The following APOL4 variants were observed in gnomAD, a reference collection of about 807,000 sequenced individuals.
APOL4 encodes the protein apolipoprotein L4, also known as apolipoprotein L, 4.
Under a neutral mutation model 12.1 loss-of-function variants are expected in APOL4, and 14 were observed. The observed-to-expected ratio is 1.16, with a 90% CI of 0.76 to 1.81. APOL4 has a LOEUF of 1.81. Among genes scored for constraint, APOL4 ranks in the 40% most tolerant of loss-of-function variants. The pLI, the probability that APOL4 is intolerant of heterozygous loss-of-function variation, is 0.00. For missense variants in APOL4, 432 were observed against 423.1 expected (o/e 1.02, Z -0.18); for synonymous variants, 171 against 160.6 (o/e 1.06, Z -0.49).
At position 36,191,379 on chromosome 22, in the gene APOL4, C is replaced by T; in HGVS notation, c.743G>A (p.Arg248Lys). 1.9e-6 allele frequency: 3 copies of T among 1,614,056 alleles called. No homozygotes were observed. The highest frequency in any genetic ancestry group is 2.5e-6 in the Non-Finnish European group (3 of 1,179,908). Residue 248 changes from arginine (R) to lysine (K), a missense_variant, in exon 4 of 4, where the codon AGG becomes AAG. Coordinates refer to ENST00000683024, the MANE Select transcript of APOL4 (RefSeq NM_001386885.1). ...KMIANDVHTL[R>K]RSKATVGRPL... ...GCGTCCAACAGTGGCTTTAGATCTCCTGAGTGTATGGACATCATTCGCAAT... is the reference window on the plus strand; with the variant it reads ...GCGTCCAACAGTGGCTTTAGATCTCTTGAGTGTATGGACATCATTCGCAAT...
Position 36,195,250 on chromosome 22 carries a change from C to T in APOL4, c.209+61G>A, listed in dbSNP as rs1220749101. On this transcript the variant is annotated intron_variant, in intron 3 of 3. Transcript: ENST00000683024. ...AGGTGTGCCTGCCAGAGAAAACTAG[C>T]CCGGGGAGATCTGGGTGGCATCACC... The T allele has an allele frequency of 2.5e-6, 4 of 1,572,222 alleles. No homozygotes were observed. In the African/African-American group the frequency reaches 5.4e-5, roughly 21 times the overall value.
chr22:36,194,322 G>C (rs1202100384), intron 3 of APOL4, among the ~76,000 whole-genome samples: 1 of 152,100 alleles, frequency 6.6e-6, no homozygotes, highest in Non-Finnish European at 1.5e-5. Context: ...TCAAATCAGG[G>C]AGGGAAGAAA....
chr22:36,189,146 T>C lies in APOL4; in HGVS notation c.*1929A>G, dbSNP rs1255876016. The C allele has an allele frequency of 6.6e-6, 1 of 152,150 alleles. No homozygotes were observed. The highest frequency in any genetic ancestry group is 1.5e-5 in the Non-Finnish European group (1 of 68,042). The allele number at this position is 152,150 out of a possible 1,614,324, so 9.4% of individuals were successfully genotyped here. ...GTCCAGCTTGGCGAGTAGCTAAGTTTATTAGGACTTACACACAGGGCACTC... is the reference window on the plus strand; with the variant it reads ...GTCCAGCTTGGCGAGTAGCTAAGTTCATTAGGACTTACACACAGGGCACTC... On this transcript the variant is annotated 3_prime_UTR_variant, in exon 4 of 4. Coordinates refer to ENST00000683024, the MANE Select transcript of APOL4 (RefSeq NM_001386885.1).
Position 36,191,616 on chromosome 22 carries a change from G to A in APOL4, c.506C>T (p.Thr169Ile). ...TATTCCCAGCCCTACCCCAGCTGCA[G>A]TAATGCTCAGGCTCAGCCCTGCTGT... ...PFTAGLSLSI[T>I]AAGVGLGIAS... The change falls in exon 4 of 4, where the codon ACT becomes ATT. Residue 169 changes from threonine to isoleucine, a missense_variant. By Grantham distance (89) the Thr-to-Ile change is moderately conservative (BLOSUM62 -1). Coordinates refer to ENST00000683024, the MANE Select transcript of APOL4 (RefSeq NM_001386885.1). The A allele has an allele frequency of 6.2e-7, 1 of 1,613,742 alleles. No individual in the cohort carries two copies. Among genetic ancestry groups the A allele is most frequent in the Non-Finnish European group, 8.5e-7 (1 of 1,179,712 alleles).
At chr22:36,192,701 G>A (rs1238623464) in intron 3 of APOL4, among the ~76,000 whole-genome samples, 1 of 152,202 alleles carries the variant, frequency 6.6e-6, no homozygotes, top group African/African-American at 2.4e-5. Flanking sequence ...CTGCCTGGTA[G>A]GAACGTCTTT....
At chr22:36,202,001 G>A, upstream of APOL4, 2 of 1,614,154 alleles carry the variant, frequency 1.2e-6, no homozygotes, top group South Asian at 2.2e-5. Flanking sequence ...ACCAGATGCA[G>A]ACGACAAAGA....
Position 36,201,780 on chromosome 22 carries a change from T to A in APOL4, c.-46A>T, listed in dbSNP as rs370379965. ...CTGGCTCAGACGCTGATCTGGGGCC[T>A]CTGCTGAATGTTGAGGCTGGATACT... is the stretch of plus-strand genomic sequence containing the variant. On this transcript the variant is annotated 5_prime_UTR_variant, in exon 1 of 4. Coordinates refer to ENST00000683024, the MANE Select transcript of APOL4 (RefSeq NM_001386885.1). 1,022 of 1,590,142 alleles carry A rather than the reference T, an allele frequency of 6.4e-4. 3 individuals are homozygous for A. The highest frequency in any genetic ancestry group is 5.1e-3 in the Middle Eastern group (31 of 6,042).
rs1483392500 is a variant in APOL4, at chr22:36,190,291, A to T, written c.*784T>A. 4 of 152,228 alleles carry T rather than the reference A, an allele frequency of 2.6e-5. No homozygotes were observed. The highest frequency in any genetic ancestry group is 9.7e-5 in the African/African-American group (4 of 41,450). The allele number at this position is 152,228 out of a possible 1,614,324, so 9.4% of individuals were successfully genotyped here. On this transcript the variant is annotated 3_prime_UTR_variant, in exon 4 of 4. Coordinates refer to ENST00000683024, the MANE Select transcript of APOL4 (RefSeq NM_001386885.1). ...ACAAGGCAAGTGGAGGCAGGGCGAGATCACAGGAACACAGGACCGGGGAGA... is the reference window on the plus strand; with the variant it reads ...ACAAGGCAAGTGGAGGCAGGGCGAGTTCACAGGAACACAGGACCGGGGAGA...
intron 3 of APOL4, 137 bp from the exon 4 acceptor site, chr22:36,192,049 T>G: frequency 1.1e-6 from 1 of 917,892 alleles, no homozygotes; most frequent in Non-Finnish European, 1.6e-6. Flanking sequence ...AGATAAATAA[T>G]TCTTTTCAAG....
In APOL4 at chr22:36,199,461, T is replaced by A. The variant is rs2014505781; in HGVS notation, c.36-85A>T. ...GCTTGAACAGCTGGGCCTCTGCAGA[T>A]CCCTCTGAGGTGGCAGCAAATGCCA... On this transcript the variant is annotated intron_variant, in intron 1 of 3. Transcript: ENST00000683024. 1.9e-6 allele frequency: 3 copies of A among 1,612,790 alleles called. No individual in the cohort carries two copies. The South Asian group carries it at 3.3e-5, about 18-fold the overall frequency.
intron 2 of APOL4, chr22:36,197,586 C>T (rs2014447686): frequency 1.6e-5 from 23 of 1,477,714 alleles, no homozygotes; most frequent in Non-Finnish European, 2.0e-5. Flanking sequence ...GCTGTAACCC[C>T]CCATGAAACT....
At position 36,191,605 on chromosome 22, in the gene APOL4, C is replaced by A. The variant is rs375647382; in HGVS notation, c.517G>T (p.Val173Leu). 17 of 1,613,478 alleles carry A rather than the reference C, an allele frequency of 1.1e-5. No individual in the cohort carries two copies. Among genetic ancestry groups the A allele is most frequent in the Non-Finnish European group, 1.4e-5 (16 of 1,179,656 alleles). The change falls in exon 4 of 4, where the codon GTA (valine) becomes TTA (leucine). Residue 173 changes from valine (V) to leucine (L), a missense_variant. Val to Leu is a conservative substitution (Grantham distance 32). Coordinates refer to ENST00000683024, the MANE Select transcript of APOL4 (RefSeq NM_001386885.1). ...GTGGCAGATGCTATTCCCAGCCCTA[C>A]CCCAGCTGCAGTAATGCTCAGGCTC... is the stretch of plus-strand genomic sequence containing the variant. ...GLSLSITAAG[V>L]GLGIASATAG... is the part of the protein sequence containing the mutation.
upstream of APOL4, among the ~76,000 whole-genome samples, chr22:36,203,082 G>A (rs9607321): frequency 0.086 from 13,031 of 152,212 alleles, 580 homozygotes; most frequent in Non-Finnish European, 0.1. Flanking sequence ...CAAAGCTGGC[G>A]TCATGCCACA....
At chr22:36,201,407 G>T (rs2014569867) in intron 1 of APOL4, among the ~76,000 whole-genome samples, 1 of 151,216 alleles carries the variant, frequency 6.6e-6, no homozygotes, top group African/African-American at 2.4e-5. Context: ...TTTGTCTCAG[G>T]GTTCAGACAC....
At chr22:36,197,194 C>T (rs1214510097) in intron 2 of APOL4, among the ~76,000 whole-genome samples, 1 of 152,184 alleles carries the variant, frequency 6.6e-6, no homozygotes, top group Non-Finnish European at 1.5e-5. Flanking sequence ...TGGCTGAGAG[C>T]TCTCAGCTTC....
At chr22:36,199,190 G>C in intron 2 of APOL4, 140 bp downstream of exon 2, 1 of 1,186,672 alleles carries the variant, frequency 8.4e-7, no homozygotes, top group Non-Finnish European at 1.2e-6. Flanking sequence ...GCTTGGGGCA[G>C]CCTCATCAGC....
At chr22:36,201,872 G>A (rs770532982), upstream of APOL4, 60 of 1,585,658 alleles carry the variant, frequency 3.8e-5, no homozygotes, top group Non-Finnish European at 4.5e-5. Flanking sequence ...GTCAATTCCG[G>A]GAAGTGATTT....
Position 36,195,430 on chromosome 22 carries a change from T to C in APOL4, c.90A>G (p.Lys30=), listed in dbSNP as rs1278616437. 2 of 1,612,200 alleles carry C rather than the reference T, an allele frequency of 1.2e-6. No homozygotes were observed. Among genetic ancestry groups the C allele is most frequent in the East Asian group, 2.2e-5 (1 of 44,868 alleles). The change falls in exon 3 of 4, where the codon AAA becomes AAG. Residue 30 remains lysine, a synonymous_variant. Transcript: ENST00000683024. ...WTVAGQFQEK[K]RFTEEVIEYF... is the part of the protein sequence containing the mutation. ...ATTCAATGACTTCTTCAGTGAAGCGTTTCTTTTCTAGTTGGAAACAAAAAG... is the reference window on the plus strand; with the variant it reads ...ATTCAATGACTTCTTCAGTGAAGCGCTTCTTTTCTAGTTGGAAACAAAAAG...
In APOL4 at chr22:36,191,574, C is replaced by T. The variant is rs749408154; in HGVS notation, c.548G>A (p.Gly183Glu). The change falls in exon 4 of 4, where the codon GGG (glycine) becomes GAG (glutamate). Residue 183 changes from glycine (G) to glutamate (E), a missense_variant. Transcript: ENST00000683024. ...VGLGIASATA[G>E]IASSIVENTY... is the part of the protein sequence containing the mutation. ...GTTCTCCACGATGCTGGAGGCGATC[C>T]CAGCCGTGGCAGATGCTATTCCCAG... The T allele has an allele frequency of 1.2e-6, 2 of 1,613,708 alleles. No homozygotes were observed. Among genetic ancestry groups the T allele is most frequent in the South Asian group, 1.1e-5 (1 of 91,028 alleles).
Sources: allele counts gnomAD v4.1 joint callset (sites outside exome capture counted in the v4.1 genomes callset), GRCh38; gene constraint gnomAD v4.1.1; transcripts MANE v1.5; gene names NCBI Gene and HGNC (gene_info 2026-07-23, HGNC 2026-07-21).